Variants in TENM1 observed in about 807,000 individuals in gnomAD.
TENM1 encodes teneurin-1.
Under a neutral mutation model 174.8 loss-of-function variants are expected in TENM1, and 35 were observed. The ratio of observed to expected loss-of-function variants is 0.20; its 90% confidence interval spans 0.15 to 0.27. The LOEUF (loss-of-function observed/expected upper bound fraction) is 0.27, where lower values mean the gene tolerates loss of function less well. TENM1 is among the 10% of genes least tolerant of loss of function. The pLI, the probability that TENM1 is intolerant of heterozygous loss-of-function variation, is 1.00. For synonymous variants in TENM1, 781 were observed against 798.7 expected, an observed-to-expected ratio of 0.98 and a Z score of 0.37; for missense variants, 1,633 against 2,130.1, an observed-to-expected ratio of 0.77 and a Z score of 4.59.
chrX:124,556,188 T>A (rs767033975), intron 14 of TENM1, among the ~76,000 whole-genome samples: 1 of 110,724 alleles, frequency 9.0e-6, no homozygotes, highest in South Asian at 3.9e-4. Flanking sequence ...CAGCAGTGGT[T>A]ATCCCAGCAC....
intron 1 of TENM1, among the ~76,000 whole-genome samples, chrX:124,922,690 G>A (rs1451703601): frequency 9.1e-6 from 1 of 110,482 alleles, no homozygotes; most frequent in Non-Finnish European, 1.9e-5. Context: ...TTTACTTGCA[G>A]CTCTCATGTT....
At chrX:124,381,196 G>A in exon 32 of TENM1, 2 of 1,208,524 alleles carry the variant, frequency 1.7e-6, no homozygotes, top group Non-Finnish European at 2.2e-6. Context: ...CTCCTTCAAG[G>A]CACCGTCCAT....
rs10218032 is a variant in TENM1 at position 124,468,422 on chromosome X, C to T, written c.3949+13310G>A. 8.5e-3 allele frequency among the ~76,000 whole-genome samples: 952 copies of T among 111,748 alleles called. 12 individuals carry two copies. The highest frequency in any genetic ancestry group is 0.028 in the African/African-American group (863 of 30,770). ...CGAACTCCTGACCTTGTAATCTGCCCGCCTCGGCCTCCCAAAGTGCTGGGA... is the reference window on the plus strand; with the variant it reads ...CGAACTCCTGACCTTGTAATCTGCCTGCCTCGGCCTCCCAAAGTGCTGGGA... On this transcript the variant is annotated intron_variant, in intron 22 of 31. Coordinates refer to ENST00000422452, the Ensembl canonical transcript of TENM1.
At chrX:125,130,680 C>T in the TENM1 span, among the ~76,000 whole-genome samples, 1 of 102,867 alleles carries the variant, frequency 9.7e-6, no homozygotes. Context: ...ATCAGCTTGG[C>T]TTTATATACA....
the TENM1 span, among the ~76,000 whole-genome samples, chrX:125,158,095 A>G: frequency 9.0e-6 from 1 of 111,123 alleles, no homozygotes; most frequent in Non-Finnish European, 1.9e-5. Flanking sequence ...ATAGGTAATA[A>G]ACAAATATAT....
chrX:124,922,354 A>G (rs2058035389), intron 1 of TENM1, among the ~76,000 whole-genome samples: 1 of 111,802 alleles, frequency 8.9e-6, no homozygotes, highest in Non-Finnish European at 1.9e-5. Flanking sequence ...TTTAGGAAGT[A>G]TATCAGTGTA....
intron 5 of TENM1, among the ~76,000 whole-genome samples, chrX:124,698,544 G>A (rs763785158): frequency 9.1e-6 from 1 of 110,443 alleles, no homozygotes; most frequent in Admixed American, 9.6e-5. Context: ...CAAACCCATC[G>A]TCCTGCCTGC....
intron 11 of TENM1, among the ~76,000 whole-genome samples, chrX:124,611,697 T>C (rs1299375449): frequency 8.9e-6 from 1 of 111,962 alleles, no homozygotes; most frequent in Non-Finnish European, 1.9e-5. Flanking sequence ...GAATGATCCA[T>C]TCTTTATCTC....
At chrX:124,408,102 A>G (rs746721621) in intron 25 of TENM1, among the ~76,000 whole-genome samples, 2 of 111,278 alleles carry the variant, frequency 1.8e-5, no homozygotes, top group Non-Finnish European at 3.8e-5. Context: ...TTGGTCTTCC[A>G]TCCAGGGGAG....
At chrX:124,804,702 A>C (rs1440136293) in intron 3 of TENM1, among the ~76,000 whole-genome samples, 1 of 111,831 alleles carries the variant, frequency 8.9e-6, no homozygotes, top group Non-Finnish European at 1.9e-5. Flanking sequence ...AAAAATAAGA[A>C]CCAAGTTCTC....
At chrX:124,710,644 T>C (rs1356916419) in intron 4 of TENM1, among the ~76,000 whole-genome samples, 1 of 112,234 alleles carries the variant, frequency 8.9e-6, no homozygotes, top group East Asian at 2.8e-4. Context: ...ATTCAACAGT[T>C]GCAGCAGAAC....
chrX:124,451,602 C>T (rs1051866032), intron 23 of TENM1, among the ~76,000 whole-genome samples: 10 of 111,815 alleles, frequency 8.9e-5, no homozygotes, highest in Admixed American at 3.8e-4. Flanking sequence ...GGAGGCATCA[C>T]GCTACCTGAC....
the TENM1 span, among the ~76,000 whole-genome samples, chrX:125,068,006 A>G: frequency 8.9e-6 from 1 of 111,742 alleles, no homozygotes; most frequent in Non-Finnish European, 1.9e-5. Context: ...AATGCACATA[A>G]TTTTAAGTAA....
the TENM1 span, among the ~76,000 whole-genome samples, chrX:125,024,195 A>G: frequency 9.0e-6 from 1 of 111,391 alleles, no homozygotes; most frequent in African/African-American, 3.3e-5. Context: ...CTACCATTCA[A>G]TCAAGCAACC....
intron 3 of TENM1, among the ~76,000 whole-genome samples, chrX:124,872,766 A>C (rs2057133130): frequency 8.9e-6 from 1 of 111,954 alleles, no homozygotes; most frequent in Non-Finnish European, 1.9e-5. Context: ...CTGCTTGTCC[A>C]CTAGATAACA....
In TENM1 at chrX:124,657,332, C is replaced by T. The variant is rs375945483; in HGVS notation, c.1169-3549G>A. ...TAAACACTCTCTTTATAGGTTGCAA[C>T]ACAGGCATCAACTGCTGAGCAGGAA... On this transcript the variant is annotated intron_variant, in intron 6 of 31. Transcript: ENST00000422452. 5.0e-4 allele frequency among the ~76,000 whole-genome samples: 56 copies of T among 111,269 alleles called. No homozygotes were observed. The South Asian group carries it at 0.021, about 41-fold the overall frequency.
the TENM1 span, among the ~76,000 whole-genome samples, chrX:125,176,092 C>T: frequency 2.7e-5 from 3 of 111,582 alleles, no homozygotes; most frequent in Non-Finnish European, 5.7e-5. Flanking sequence ...AGAGGAAAAA[C>T]ACTGATGGTA....
chrX:124,793,405 C>A (rs1202260281), intron 3 of TENM1, among the ~76,000 whole-genome samples: 1 of 111,503 alleles, frequency 9.0e-6, no homozygotes, highest in Non-Finnish European at 1.9e-5. Flanking sequence ...ATTCTCCAGG[C>A]CATAAAACAT....
At chrX:124,993,343 T>G in the TENM1 span, among the ~76,000 whole-genome samples, 1 of 111,193 alleles carries the variant, frequency 9.0e-6, no homozygotes, top group African/African-American at 3.3e-5. Context: ...CCTGAGATAG[T>G]CAATTATTCA....
Sources: gnomAD v4.1 joint callset for allele counts (sites outside exome capture counted in the v4.1 genomes callset) on GRCh38, gnomAD v4.1.1 for gene constraint, MANE v1.5 for transcripts, NCBI Gene and HGNC (gene_info 2026-07-23, HGNC 2026-07-21) for gene names.